POLR3B: variants seen among roughly 807,000 people sequenced by gnomAD.
POLR3B encodes DNA-directed RNA polymerase III subunit RPC2.
Under a neutral mutation model 147.4 loss-of-function variants are expected in POLR3B, and 96 were observed. That is an observed-to-expected ratio of 0.65 (90% CI 0.55 to 0.77). The LOEUF (loss-of-function observed/expected upper bound fraction) is 0.77, where lower values mean the gene tolerates loss of function less well. POLR3B is among the 30% of genes least tolerant of loss of function. The pLI is 0.00. For missense variants in POLR3B, 1,036 were observed against 1,413.5 expected, an observed-to-expected ratio of 0.73 and a Z score of 4.28; for synonymous variants, 461 against 485.9, an observed-to-expected ratio of 0.95 and a Z score of 0.67.
chr12:106,367,454 A>G (rs141632899), intron 4 of POLR3B, among the ~76,000 whole-genome samples: 23 of 152,302 alleles, frequency 1.5e-4, no homozygotes, highest in Admixed American at 4.6e-4. Context: ...CTGGTGTAGG[A>G]ATCAATCCAG....
intron 10 of POLR3B, among the ~76,000 whole-genome samples, chr12:106,402,601 CA>C (rs2037084777): frequency 2.0e-5 from 3 of 152,114 alleles, no homozygotes; most frequent in Non-Finnish European, 4.4e-5. Context: ...GTACTGGTAC[CA>C]AAACAGAAAT....
intron 23 of POLR3B, among the ~76,000 whole-genome samples, chr12:106,491,953 G>A (rs2038412443): frequency 6.6e-6 from 1 of 152,088 alleles, no homozygotes; most frequent in Non-Finnish European, 1.5e-5. Context: ...AAAAATTAAA[G>A]CAGACTGTAA....
intron 10 of POLR3B, among the ~76,000 whole-genome samples, chr12:106,404,360 C>T (rs1046382796): frequency 2.0e-5 from 3 of 152,076 alleles, no homozygotes; most frequent in African/African-American, 4.8e-5. Context: ...CCCAAAGTGG[C>T]AGGATTACAG....
At chr12:106,408,028 A>AT (rs2037172861) in intron 11 of POLR3B, among the ~76,000 whole-genome samples, 1 of 152,166 alleles carries the variant, frequency 6.6e-6, no homozygotes, top group African/African-American at 2.4e-5. Context: ...ATACAGGGTC[A>AT]TTTTTTATGT....
At chr12:106,361,504 A>G (rs2036469574) in intron 1 of POLR3B, among the ~76,000 whole-genome samples, 1 of 152,216 alleles carries the variant, frequency 6.6e-6, no homozygotes, top group Non-Finnish European at 1.5e-5. Flanking sequence ...GGACAGGCCC[A>G]TACCCAGTAG....
rs568834732 is a variant in POLR3B, at chr12:106,482,746, T to G, written c.2714-13309T>G. On this transcript the variant is annotated intron_variant, in intron 23 of 27. Transcript: ENST00000228347. ...TAGGAAACATGCCCTGCTGATTTAC[T>G]TAACCCCAAAGCACCCAGCATAGCA... Among the ~76,000 whole-genome samples the G allele has an allele frequency of 8.5e-5, 13 of 152,300 alleles. No homozygotes were observed. The South Asian group carries it at 2.5e-3, about 29-fold the overall frequency.
At chr12:106,434,798 T>C (rs1019260571) in intron 16 of POLR3B, among the ~76,000 whole-genome samples, 7 of 152,186 alleles carry the variant, frequency 4.6e-5, no homozygotes, top group Non-Finnish European at 7.3e-5. Flanking sequence ...CCTTTCCTCC[T>C]TCATATGACA....
intron 10 of POLR3B, among the ~76,000 whole-genome samples, chr12:106,395,836 G>A (rs967699634): frequency 6.6e-6 from 1 of 152,086 alleles, no homozygotes; most frequent in East Asian, 1.9e-4. Context: ...CGGGCGTGGT[G>A]GTGGGTGCCT....
chr12:106,376,397 C>G lies in POLR3B; in HGVS notation c.443C>G (p.Thr148Arg), dbSNP rs373170094. The G allele has an allele frequency of 5.0e-5, 81 of 1,613,376 alleles. No individual in the cohort carries two copies. The highest frequency in any genetic ancestry group is 6.4e-5 in the Non-Finnish European group (75 of 1,179,726). ...IMLRSSNCVLTGKTPAEFAKL... is the reference protein window; with the variant it reads ...IMLRSSNCVLRGKTPAEFAKL... ...CTACGTAGTTCAAACTGTGTTCTTA[C>G]AGGAAAAACGCCAGCAGAATTTGCC... The change falls in exon 7 of 28, where the codon ACA becomes AGA. Residue 148 changes from threonine to arginine, a missense_variant. Thr to Arg is a moderately conservative substitution (Grantham distance 71). This residue lies in a region of POLR3B where 217 missense variants were observed against 288.7 expected (regional missense o/e 0.75). Coordinates refer to ENST00000228347, the MANE Select transcript of POLR3B (RefSeq NM_018082.6).
chr12:106,402,365 C>T (rs1440294659), intron 10 of POLR3B, among the ~76,000 whole-genome samples: 2 of 152,090 alleles, frequency 1.3e-5, no homozygotes, highest in African/African-American at 2.4e-5. Context: ...GAATCAATAT[C>T]GTGAAAATGG....
chr12:106,500,571 G>A (rs781155259), intron 25 of POLR3B, among the ~76,000 whole-genome samples: 6 of 152,268 alleles, frequency 3.9e-5, no homozygotes, highest in Admixed American at 6.5e-5. Flanking sequence ...GACGATGCCA[G>A]GTGGGAGGAG....
intron 18 of POLR3B, among the ~76,000 whole-genome samples, chr12:106,440,960 A>G (rs2037642717): frequency 6.6e-6 from 1 of 152,146 alleles, no homozygotes; most frequent in Non-Finnish European, 1.5e-5. Flanking sequence ...GTATTATTTA[A>G]TTCATACTTA....
chr12:106,448,559 C>G (rs900586523), intron 19 of POLR3B, among the ~76,000 whole-genome samples: 7 of 149,066 alleles, frequency 4.7e-5, no homozygotes, highest in African/African-American at 1.5e-4. Context: ...GCCTTAGCCT[C>G]CTGAGTAGCT....
intron 12 of POLR3B, among the ~76,000 whole-genome samples, chr12:106,414,825 G>T (rs991846539): frequency 6.6e-6 from 1 of 152,152 alleles, no homozygotes; most frequent in Non-Finnish European, 1.5e-5. Context: ...CTAATAAGAT[G>T]CCCCAGATAT....
chr12:106,457,088 A>G, intron 20 of POLR3B, 50 bp from the exon 21 acceptor site: 2 of 1,519,814 alleles, frequency 1.3e-6, no homozygotes, highest in Non-Finnish European at 1.8e-6. Context: ...ATATTTCCTT[A>G]TAGCTTTGGG....
At chr12:106,501,005 G>A (rs1308458075) in intron 25 of POLR3B, among the ~76,000 whole-genome samples, 1 of 152,198 alleles carries the variant, frequency 6.6e-6, no homozygotes, top group African/African-American at 2.4e-5. Context: ...AGATTAATTA[G>A]AAGATTATCT....
chr12:106,386,387 A>G (rs2036838317), intron 9 of POLR3B, among the ~76,000 whole-genome samples: 1 of 151,754 alleles, frequency 6.6e-6, no homozygotes, highest in South Asian at 2.1e-4. Context: ...GTAGAATTAC[A>G]TCTCCAGCAG....
chr12:106,417,979 G>A (rs769053313), intron 12 of POLR3B, among the ~76,000 whole-genome samples: 10 of 152,126 alleles, frequency 6.6e-5, no homozygotes, highest in Admixed American at 1.3e-4. Context: ...AGACATAAAA[G>A]GTATTGTGTT....
At chr12:106,396,208 C>A (rs2036976660) in intron 10 of POLR3B, among the ~76,000 whole-genome samples, 1 of 152,138 alleles carries the variant, frequency 6.6e-6, no homozygotes, top group South Asian at 2.1e-4. Flanking sequence ...AAAATTTTAG[C>A]CTTTTTCACA....
Sources: allele counts gnomAD v4.1 joint callset (sites outside exome capture counted in the v4.1 genomes callset), GRCh38; gene constraint gnomAD v4.1.1; regional missense constraint gnomAD v4.1.1; transcripts MANE v1.5; gene names NCBI Gene and HGNC (gene_info 2026-07-23, HGNC 2026-07-21).